AGAP1: variants seen among roughly 807,000 people sequenced by gnomAD.
AGAP1 encodes arf-GAP with GTPase, ANK repeat and PH domain-containing protein 1.
In AGAP1, 29 loss-of-function variants were observed where a neutral mutation model predicts 105.3. The ratio of observed to expected loss-of-function variants is 0.28; its 90% CI spans 0.21 to 0.38. AGAP1 has a LOEUF of 0.38. Among genes scored for constraint, AGAP1 ranks in the 10% least tolerant of loss-of-function variants. The pLI, the probability that AGAP1 is intolerant of heterozygous loss-of-function variation, is 1.00. For missense variants in AGAP1, 998 were observed against 1,165.1 expected (o/e 0.86, Z 2.09); for synonymous variants, 509 against 485.9 (o/e 1.05, Z -0.63).
Position 235,621,000 on chromosome 2 carries a change from A to G in AGAP1, c.164-88179A>G, listed in dbSNP as rs1946459394. ...TTGGCTCTGCTGCTGAAGTGGCTGG[A>G]TGGCCTTGGAGATCTAGTTAATTTT... On this transcript the variant is annotated intron_variant, in intron 1 of 17. Coordinates refer to ENST00000304032, the MANE Select transcript of AGAP1 (RefSeq NM_001037131.3). The surrounding 1 kb of genome is among the most constrained non-coding windows in gnomAD (Gnocchi z 4.5). Among the ~76,000 whole-genome samples, 1 of 152,064 alleles carries G rather than the reference A, an allele frequency of 6.6e-6. No homozygotes were observed. The highest frequency in any genetic ancestry group is 2.4e-5 in the African/African-American group (1 of 41,404).
rs569292891 is a variant in AGAP1 at position 235,874,035 on chromosome 2, C to T, written c.1051-9310C>T. ...TGAGCCATCACGCCCAGCCCAGAAC[C>T]GCATTCTGTTTTTTGTTTTGTTTTG... On this transcript the variant is annotated intron_variant, in intron 9 of 17. Coordinates refer to ENST00000304032, the MANE Select transcript of AGAP1 (RefSeq NM_001037131.3). This position sits in a 1 kb window ranked among gnomAD's most constrained non-coding sequence, Gnocchi z 4.5. 3.3e-5 allele frequency among the ~76,000 whole-genome samples: 5 copies of T among 152,060 alleles called. No individual in the cohort carries two copies. Among genetic ancestry groups the T allele is most frequent in the East Asian group, 1.9e-4 (1 of 5,142 alleles).
Position 236,123,929 on chromosome 2 carries a change from A to G in AGAP1, c.2381A>G (p.Asp794Gly). 6.2e-7 allele frequency: 1 copy of G among 1,612,948 alleles called. No individual in the cohort carries two copies. Among genetic ancestry groups the G allele is most frequent in the Non-Finnish European group, 8.5e-7 (1 of 1,179,826 alleles). The change falls in exon 18 of 18, where the codon GAC becomes GGC. Residue 794 changes from aspartate (D) to glycine (G), a missense_variant. This residue lies in a region of AGAP1 where 235 missense variants were observed against 270.7 expected (regional missense o/e 0.87). Transcript: ENST00000304032. This position sits in a 1 kb window ranked among gnomAD's most constrained non-coding sequence, Gnocchi z 4.6. ...LAQLLIWYGV[D>G]VTARDAHGNT... ...CCCTTACCTCCGCAGTACGGAGTGGACGTCACGGCCCGAGATGCCCACGGG... is the reference window on the plus strand; with the variant it reads ...CCCTTACCTCCGCAGTACGGAGTGGGCGTCACGGCCCGAGATGCCCACGGG...
rs926785338 is a variant in AGAP1, at chr2:235,612,580, GGTC to G, written c.164-96598_164-96596del. Among the ~76,000 whole-genome samples the G allele has an allele frequency of 6.6e-5, 10 of 152,150 alleles. No homozygotes were observed. Among genetic ancestry groups the G allele is most frequent in the African/African-American group, 2.2e-4 (9 of 41,426 alleles). On this transcript the variant is annotated intron_variant, in intron 1 of 17. Transcript: ENST00000304032. The surrounding 1 kb of genome is among the most constrained non-coding windows in gnomAD (Gnocchi z 4.3). ...AGGGAAAAGAACGTGACTGTGTGGG[GGTC>G]TCCCTGACTCCTTAGAACCTGCAAA...
chr2:235,811,281 C>T (rs1318794991), intron 9 of AGAP1, among the ~76,000 whole-genome samples: 1 of 152,228 alleles, frequency 6.6e-6, no homozygotes, highest in East Asian at 1.9e-4. Flanking sequence ...CCTCTGATGT[C>T]CAGGCTGCAT....
At chr2:235,506,618 T>G (rs1376269068) in intron 1 of AGAP1, among the ~76,000 whole-genome samples, 1 of 152,216 alleles carries the variant, frequency 6.6e-6, no homozygotes, top group African/African-American at 2.4e-5. Context: ...TGAATTTATT[T>G]GTCCAAGAGT....
chr2:235,967,308 C>G lies in AGAP1; in HGVS notation c.1484-1154C>G, dbSNP rs1559704994. Reference sequence around the variant, plus strand: ...CTCAGCGAGACCTACCCCAGCTACCCTATTTTAAATGACACCCCCCATCAC... The same window carrying G: ...CTCAGCGAGACCTACCCCAGCTACCGTATTTTAAATGACACCCCCCATCAC... On this transcript the variant is annotated intron_variant, in intron 12 of 17. Coordinates refer to ENST00000304032, the MANE Select transcript of AGAP1 (RefSeq NM_001037131.3). This position sits in a 1 kb window ranked among gnomAD's most constrained non-coding sequence, Gnocchi z 4.7. 1.3e-5 allele frequency among the ~76,000 whole-genome samples: 2 copies of G among 152,312 alleles called. No individual in the cohort carries two copies. The highest frequency in any genetic ancestry group is 1.3e-4 in the Admixed American group (2 of 15,304).
At chr2:235,513,591 G>T (rs1942248520) in intron 1 of AGAP1, among the ~76,000 whole-genome samples, 2 of 151,666 alleles carry the variant, frequency 1.3e-5, no homozygotes, top group South Asian at 4.2e-4. Context: ...TTCTGATTCA[G>T]TGGGTGGCGG....
rs548242965 is a variant in AGAP1, at chr2:235,618,070, C to T, written c.164-91109C>T. On this transcript the variant is annotated intron_variant, in intron 1 of 17. Transcript: ENST00000304032. ...GAGAAGCTCAGACTTGGAAGATCTG[C>T]GTCTGTATGTGATCGCACACATTTT... is the stretch of plus-strand genomic sequence containing the variant. Among the ~76,000 whole-genome samples the T allele has an allele frequency of 2.1e-4, 32 of 152,050 alleles. No individual in the cohort carries two copies. In the South Asian group the frequency reaches 6.0e-3, roughly 29 times the overall value.
chr2:235,894,502 T>C (rs192049337), intron 10 of AGAP1, among the ~76,000 whole-genome samples: 45 of 152,326 alleles, frequency 3.0e-4, no homozygotes, highest in Admixed American at 7.8e-4. Flanking sequence ...GCTCTGCCTC[T>C]TCCCAAGATA....
Position 235,723,765 on chromosome 2 carries a change from CGTTGGTTGGTTG to C in AGAP1, c.310+6148_310+6159del, listed in dbSNP as rs3834112. On this transcript the variant is annotated intron_variant, in intron 3 of 17. Transcript: ENST00000304032. The surrounding 1 kb of genome is among the most constrained non-coding windows in gnomAD (Gnocchi z 6.2). The stretch of plus-strand genomic sequence containing the variant: ...ATATGGATTGAGTGGGAGCTTTTAT[CGTTGGTTGGTTG>C]GTTGGTTGGTTGGTTGGTTGGTTGG... Among the ~76,000 whole-genome samples, 501 of 150,010 alleles carry C rather than the reference CGTTGGTTGGTTG, an allele frequency of 3.3e-3. 3 individuals are homozygous for C. Among genetic ancestry groups the C allele is most frequent in the African/African-American group, 8.8e-3 (359 of 40,768 alleles).
At chr2:235,704,141 C>T (rs539529566) in intron 1 of AGAP1, among the ~76,000 whole-genome samples, 116 of 152,350 alleles carry the variant, frequency 7.6e-4, no homozygotes, top group African/African-American at 2.5e-3. Context: ...GTGGGAGAAG[C>T]AGGGCTCATC....
chr2:235,557,956 A>T lies in AGAP1; in HGVS notation c.163+63107A>T, dbSNP rs538714878. ...GTCCTGGACAGGTGAGCTCCCCTCC[A>T]GAGGCTGCCTGTTTGTAAAATAATA... On this transcript the variant is annotated intron_variant, in intron 1 of 17. Coordinates refer to ENST00000304032, the MANE Select transcript of AGAP1 (RefSeq NM_001037131.3). The surrounding 1 kb of genome is among the most constrained non-coding windows in gnomAD (Gnocchi z 4.7). Among the ~76,000 whole-genome samples the T allele has an allele frequency of 5.9e-5, 9 of 152,328 alleles. No homozygotes were observed. In the South Asian group the frequency reaches 1.9e-3, roughly 32 times the overall value.
chr2:235,778,034 C>A (rs1440890513), intron 6 of AGAP1, among the ~76,000 whole-genome samples: 2 of 152,154 alleles, frequency 1.3e-5, no homozygotes, highest in African/African-American at 4.8e-5. Context: ...CCGAGGCACT[C>A]ACATTTCTGG....
intron 16 of AGAP1, among the ~76,000 whole-genome samples, chr2:236,093,199 TG>T (rs2059108541): frequency 6.6e-6 from 1 of 152,120 alleles, no homozygotes; most frequent in Non-Finnish European, 1.5e-5. Context: ...GCTGCACCCC[TG>T]GGGGAGAGGA....
intron 1 of AGAP1, among the ~76,000 whole-genome samples, chr2:235,629,126 C>G (rs1946737812): frequency 6.6e-6 from 1 of 152,116 alleles, no homozygotes; most frequent in Non-Finnish European, 1.5e-5. Context: ...TTTGTGTCCT[C>G]ATACCTTAGC....
chr2:235,892,386 G>A (rs1332570654), intron 10 of AGAP1, among the ~76,000 whole-genome samples: 3 of 152,022 alleles, frequency 2.0e-5, no homozygotes, highest in African/African-American at 4.8e-5. Flanking sequence ...TCTGTGTGTC[G>A]TCAAAGTTTG....
intron 6 of AGAP1, among the ~76,000 whole-genome samples, chr2:235,771,891 C>CA (rs1237892927): frequency 6.6e-6 from 1 of 151,532 alleles, no homozygotes; most frequent in Admixed American, 6.6e-5. Flanking sequence ...AGGCCTGTGA[C>CA]AAAAAATTCA....
rs186524358 is a variant in AGAP1, at chr2:235,867,049, G to A, written c.1051-16296G>A. Among the ~76,000 whole-genome samples the A allele has an allele frequency of 1.2e-4, 19 of 152,302 alleles. No individual in the cohort carries two copies. Among genetic ancestry groups the A allele is most frequent in the East Asian group, 7.7e-4 (4 of 5,188 alleles). Reference sequence around the variant, plus strand: ...GGCGTCGGGGGGTGCTTGCTTATGCGGAGCCTGTGACCCTGCAGCTCAGCA... The same window carrying A: ...GGCGTCGGGGGGTGCTTGCTTATGCAGAGCCTGTGACCCTGCAGCTCAGCA... On this transcript the variant is annotated intron_variant, in intron 9 of 17. Transcript: ENST00000304032. The surrounding 1 kb of genome is among the most constrained non-coding windows in gnomAD (Gnocchi z 5.4).
At chr2:235,868,420 C>T (rs1248176345) in intron 9 of AGAP1, among the ~76,000 whole-genome samples, 1 of 152,102 alleles carries the variant, frequency 6.6e-6, no homozygotes, top group Non-Finnish European at 1.5e-5. Context: ...GAATGCTGCC[C>T]GCAGAGCAAA....
Sources: gnomAD v4.1 joint callset for allele counts (sites outside exome capture counted in the v4.1 genomes callset) on GRCh38, gnomAD v4.1.1 for gene constraint, gnomAD v4.1.1 regional missense constraint, Gnocchi (gnomAD v3.1) non-coding constraint, MANE v1.5 for transcripts, NCBI Gene and HGNC (gene_info 2026-07-23, HGNC 2026-07-21) for gene names.